The following PLA2G5 variants were observed in gnomAD, a reference collection of about 807,000 sequenced individuals.
The protein encoded by PLA2G5 is phospholipase A2 group V.
In PLA2G5, 12 loss-of-function variants were observed where a neutral mutation model predicts 15.9. That is an observed-to-expected ratio of 0.76 (90% confidence interval 0.48 to 1.23). PLA2G5 has a LOEUF of 1.23. Ranked by LOEUF, PLA2G5 falls within the 50% of genes most tolerant of loss-of-function variation. The pLI is 0.00. For missense variants in PLA2G5, 169 were observed against 177.1 expected (o/e 0.95, Z 0.26); for synonymous variants, 71 against 71.4 (o/e 0.99, Z 0.03).
intron 1 of PLA2G5, among the ~76,000 whole-genome samples, chr1:20,041,076 C>T (rs2013570780): frequency 1.3e-5 from 2 of 152,228 alleles, no homozygotes; most frequent in African/African-American, 2.4e-5. Flanking sequence ...GTGTCCTCAA[C>T]CTTGGCAAAA....
intron 1 of PLA2G5, among the ~76,000 whole-genome samples, chr1:20,077,751 C>T (rs937603483): frequency 2.6e-5 from 4 of 152,178 alleles, no homozygotes; most frequent in African/African-American, 9.7e-5. Context: ...AAAGCTGGTT[C>T]AGGTGACACA....
At chr1:20,071,104 A>G (rs2015347902) in intron 1 of PLA2G5, among the ~76,000 whole-genome samples, 1 of 152,206 alleles carries the variant, frequency 6.6e-6, no homozygotes, top group African/African-American at 2.4e-5. Context: ...GTCACTGACC[A>G]GCTGGGCACA....
At chr1:20,080,294 C>T (rs11573239) in intron 1 of PLA2G5, among the ~76,000 whole-genome samples, 22 of 152,262 alleles carry the variant, frequency 1.4e-4, no homozygotes, top group Middle Eastern at 3.4e-3. Context: ...GCACTGTGAC[C>T]TGCTTCAGAA....
At chr1:20,067,069 C>G (rs2015068472), upstream of PLA2G5, among the ~76,000 whole-genome samples, 1 of 152,036 alleles carries the variant, frequency 6.6e-6, no homozygotes, top group African/African-American at 2.4e-5. Context: ...AATCATGGCT[C>G]ACTGCAGCCT....
chr1:20,029,097 T>TG (rs747102650), intron 1 of PLA2G5, among the ~76,000 whole-genome samples: 8 of 152,224 alleles, frequency 5.3e-5, no homozygotes, highest in Non-Finnish European at 1.0e-4. Context: ...CTGTATCCTG[T>TG]GATCCTTGGA....
chr1:20,044,264 T>TC (rs2013775496), intron 1 of PLA2G5, among the ~76,000 whole-genome samples: 1 of 152,168 alleles, frequency 6.6e-6, no homozygotes, highest in Non-Finnish European at 1.5e-5. Context: ...CTGGGTTTTT[T>TC]CTCACAGCAG....
chr1:20,033,370 G>T (rs999198131), intron 1 of PLA2G5, among the ~76,000 whole-genome samples: 8 of 152,204 alleles, frequency 5.3e-5, no homozygotes, highest in Non-Finnish European at 1.2e-4. Context: ...TTACAGGGAG[G>T]AGGGTGGCCA....
At chr1:20,068,984 C>T (rs1344881903), upstream of PLA2G5, 6 of 1,248,148 alleles carry the variant, frequency 4.8e-6, no homozygotes, top group Admixed American at 1.1e-4. Flanking sequence ...AGAATTGGCA[C>T]AGATACCAAC....
At chr1:20,088,418 G>T (rs2016403435) in intron 3 of PLA2G5, among the ~76,000 whole-genome samples, 1 of 148,364 alleles carries the variant, frequency 6.7e-6, no homozygotes, top group Non-Finnish European at 1.5e-5. Flanking sequence ...TGGGATCCTG[G>T]GACAGAAAAA....
chr1:20,083,677 A>G (rs1183408575), intron 1 of PLA2G5, among the ~76,000 whole-genome samples: 1 of 151,884 alleles, frequency 6.6e-6, no homozygotes, highest in Non-Finnish European at 1.5e-5. Flanking sequence ...CCTGAGAGGT[A>G]GAGCATGAGA....
At chr1:20,062,382 A>C (rs1014969427) in intron 2 of PLA2G5, among the ~76,000 whole-genome samples, 1 of 152,212 alleles carries the variant, frequency 6.6e-6, no homozygotes, top group Non-Finnish European at 1.5e-5. Context: ...ACTTCAGTTT[A>C]AAACCAATGC....
chr1:20,036,758 T>C (rs989189333), intron 1 of PLA2G5, among the ~76,000 whole-genome samples: 6 of 152,184 alleles, frequency 3.9e-5, no homozygotes, highest in Admixed American at 1.3e-4. Context: ...CTCTGCCTCC[T>C]GGGTTCAAGT....
intron 1 of PLA2G5, among the ~76,000 whole-genome samples, chr1:20,056,124 T>C (rs585532): frequency 0.84 from 127,844 of 152,098 alleles, 53,778 homozygotes; most frequent in East Asian, 0.93. Context: ...TTTTTAGAGC[T>C]GCGAGGTTCA....
chr1:20,063,230 A>C (rs2014834215), intron 2 of PLA2G5, among the ~76,000 whole-genome samples: 1 of 150,456 alleles, frequency 6.6e-6, no homozygotes, highest in African/African-American at 2.4e-5. Flanking sequence ...GAAAAAAACC[A>C]AAAGAGTTTG....
intron 1 of PLA2G5, among the ~76,000 whole-genome samples, chr1:20,055,197 AACCCCC>A (rs1173462989): frequency 1.3e-5 from 2 of 152,124 alleles, no homozygotes; most frequent in Non-Finnish European, 2.9e-5. Flanking sequence ...CAGATGATGA[AACCCCC>A]ACACAGTCAC....
chr1:20,040,994 A>G (rs1487484544), intron 1 of PLA2G5, among the ~76,000 whole-genome samples: 1 of 152,228 alleles, frequency 6.6e-6, no homozygotes, highest in Non-Finnish European at 1.5e-5. Flanking sequence ...CCTAAAATGT[A>G]TAAAAACAAA....
intron 1 of PLA2G5, among the ~76,000 whole-genome samples, chr1:20,083,999 A>G (rs1287658883): frequency 6.6e-6 from 1 of 151,994 alleles, no homozygotes; most frequent in African/African-American, 2.4e-5. Flanking sequence ...GGAAATGAAC[A>G]TAATAATGAA....
chr1:20,029,586 C>T (rs549746828), intron 1 of PLA2G5, among the ~76,000 whole-genome samples: 1 of 152,228 alleles, frequency 6.6e-6, no homozygotes, highest in Non-Finnish European at 1.5e-5. Flanking sequence ...AAATGCCTGT[C>T]CTCACCTAGC....
chr1:20,054,802 T>C (rs2014353588), intron 1 of PLA2G5: 1 of 152,212 alleles, frequency 6.6e-6, no homozygotes. Context: ...TTATATCTTC[T>C]GGACAGATTC....
Sources: gnomAD v4.1 joint callset for allele counts (sites outside exome capture counted in the v4.1 genomes callset) on GRCh38, gnomAD v4.1.1 for gene constraint, MANE v1.5 for transcripts, NCBI Gene and HGNC (gene_info 2026-07-23, HGNC 2026-07-21) for gene names.